The following DYNC1I1 variants were observed in gnomAD, a reference collection of about 807,000 sequenced individuals.
DYNC1I1 encodes the protein cytoplasmic dynein 1 intermediate chain 1.
Under a neutral mutation model 86.6 loss-of-function variants are expected in DYNC1I1, and 43 were observed. That is an observed-to-expected ratio of 0.50 (90% confidence interval 0.39 to 0.64). The LOEUF is 0.64. Ranked by LOEUF, DYNC1I1 falls within the 30% of genes least tolerant of loss-of-function variation. The probability of loss-of-function intolerance (pLI) is 0.00; values close to 1 mark genes in which losing one functional copy is unlikely to be tolerated. For missense variants in DYNC1I1, 604 were observed against 788.8 expected (o/e 0.77, Z 2.81); for synonymous variants, 262 against 283.7 (o/e 0.92, Z 0.77).
At chr7:96,060,377 C>G (rs1308620078) in intron 14 of DYNC1I1, among the ~76,000 whole-genome samples, 1 of 152,166 alleles carries the variant, frequency 6.6e-6, no homozygotes, top group Non-Finnish European at 1.5e-5. Context: ...CCCTAGCATG[C>G]TTTTTGACTC....
At chr7:95,890,511 G>C (rs567533553) in intron 6 of DYNC1I1, among the ~76,000 whole-genome samples, 1 of 152,106 alleles carries the variant, frequency 6.6e-6, no homozygotes, top group East Asian at 1.9e-4. Flanking sequence ...GAGTGAGAAA[G>C]TAATCTGTTC....
At chr7:95,872,240 C>T (rs747002011) in intron 6 of DYNC1I1, among the ~76,000 whole-genome samples, 2 of 152,150 alleles carry the variant, frequency 1.3e-5, no homozygotes, top group South Asian at 2.1e-4. Context: ...CGCCTTTCAG[C>T]GGCAGGAAAC....
In DYNC1I1 at chr7:95,996,037, T is replaced by C. The variant is rs757005232; in HGVS notation, c.933T>C (p.Phe311=). 6.2e-7 allele frequency: 1 copy of C among 1,613,936 alleles called. No homozygotes were observed. The highest frequency in any genetic ancestry group is 8.5e-7 in the Non-Finnish European group (1 of 1,179,922). ...DGVALVWNMK[F]KKTTPEYVFH... ...TGGCCTTGGTTTGGAACATGAAGTT[T>C]AAGAAAACCACACCAGAATACGTCT... Residue 311 remains phenylalanine, a synonymous_variant, in exon 10 of 17, where the codon TTT becomes TTC. Transcript: ENST00000447467.
At chr7:95,842,763 C>A in intron 5 of DYNC1I1, among the ~76,000 whole-genome samples, 1 of 152,118 alleles carries the variant, frequency 6.6e-6, no homozygotes, top group East Asian at 1.9e-4. Flanking sequence ...CAGAGGATGT[C>A]GATTCATGTA....
chr7:95,983,638 A>G (rs1374726623), intron 7 of DYNC1I1, among the ~76,000 whole-genome samples: 2 of 152,160 alleles, frequency 1.3e-5, no homozygotes, highest in Non-Finnish European at 2.9e-5. Flanking sequence ...TAGTCCAATT[A>G]TGTAACACTT....
At chr7:96,067,093 TTTGGTAAATGTTCAAAA>T (rs1224137665) in intron 14 of DYNC1I1, among the ~76,000 whole-genome samples, 2 of 152,134 alleles carry the variant, frequency 1.3e-5, no homozygotes, top group African/African-American at 4.8e-5. Context: ...TTTTGAACAT[TTTGGTAAATGTTCAAAA>T]TATCAGAAAA....
Position 95,849,245 on chromosome 7 carries a change from G to GT in DYNC1I1, c.375-20633dup, listed in dbSNP as rs542738495. Among the ~76,000 whole-genome samples the GT allele has an allele frequency of 5.3e-5, 8 of 152,122 alleles. No homozygotes were observed. In the East Asian group the frequency reaches 1.4e-3, roughly 26 times the overall value. ...TAGTTTGATGTAACTCCATTTGTCT[G>GT]TTTTTGCTTTTGCAGCATGTGCTTT... On this transcript the variant is annotated intron_variant, in intron 5 of 16. Coordinates refer to ENST00000447467, the MANE Select transcript of DYNC1I1 (RefSeq NM_001135556.2).
At chr7:95,937,895 C>T (rs1199394594) in intron 6 of DYNC1I1, among the ~76,000 whole-genome samples, 1 of 151,944 alleles carries the variant, frequency 6.6e-6, no homozygotes, top group Non-Finnish European at 1.5e-5. Flanking sequence ...TTGATGTTTG[C>T]CATGTATGTA....
intron 5 of DYNC1I1, among the ~76,000 whole-genome samples, chr7:95,846,666 T>TGTGTGTGTGA (rs1400288683): frequency 1.5e-4 from 23 of 150,772 alleles, no homozygotes; most frequent in African/African-American, 4.1e-4. Flanking sequence ...TGTGTGTGTG[T>TGTGTGTGTGA]GACGAAGGGG....
At chr7:96,090,537 T>TA (rs1459819932) in intron 16 of DYNC1I1, among the ~76,000 whole-genome samples, 1 of 149,684 alleles carries the variant, frequency 6.7e-6, no homozygotes, top group African/African-American at 2.5e-5. Flanking sequence ...AAAAACGTGG[T>TA]AAAAATAGTA....
intron 6 of DYNC1I1, among the ~76,000 whole-genome samples, chr7:95,876,103 G>A (rs1790302675): frequency 6.6e-6 from 1 of 150,946 alleles, no homozygotes; most frequent in African/African-American, 2.4e-5. Context: ...TCTATTGCAT[G>A]GTGGTCTCTT....
chr7:95,967,025 GAAC>G (rs1793033040), intron 6 of DYNC1I1, among the ~76,000 whole-genome samples: 2 of 152,048 alleles, frequency 1.3e-5, no homozygotes, highest in African/African-American at 4.8e-5. Context: ...GTCCTTTTTA[GAAC>G]TACTGGGGAA....
chr7:95,935,907 A>G (rs1481304050), intron 6 of DYNC1I1, among the ~76,000 whole-genome samples: 1 of 152,076 alleles, frequency 6.6e-6, no homozygotes, highest in African/African-American at 2.4e-5. Flanking sequence ...ACAATGAGAT[A>G]TTGCCTCATA....
At position 95,808,541 on chromosome 7, in the gene DYNC1I1, G is replaced by A. The variant is rs188335670; in HGVS notation, c.109-1851G>A. Among the ~76,000 whole-genome samples, 70 of 152,186 alleles carry A rather than the reference G, an allele frequency of 4.6e-4. 1 individual carries two copies. In the East Asian group the frequency reaches 0.013, roughly 28 times the overall value. On this transcript the variant is annotated intron_variant, in intron 2 of 16. Coordinates refer to ENST00000447467, the MANE Select transcript of DYNC1I1 (RefSeq NM_001135556.2). ...ACTGGCCCAATTTAATGAAAAATTG[G>A]CTTTAATGCAATGAGGTGAGCTCAG... is the stretch of plus-strand genomic sequence containing the variant.
chr7:95,819,317 G>T (rs1055767747), intron 4 of DYNC1I1, among the ~76,000 whole-genome samples: 1 of 152,088 alleles, frequency 6.6e-6, no homozygotes, highest in African/African-American at 2.4e-5. Context: ...ACAATAATTC[G>T]TTGTGGGCAA....
At chr7:96,056,161 T>C (rs914606708) in intron 14 of DYNC1I1, 1 of 150,166 alleles carries the variant, frequency 6.7e-6, no homozygotes, top group African/African-American at 2.4e-5. Context: ...GTTGGTTTGA[T>C]TTTTTTTTTC....
chr7:95,930,625 A>G (rs1584170402), intron 6 of DYNC1I1, among the ~76,000 whole-genome samples: 1 of 152,212 alleles, frequency 6.6e-6, no homozygotes. Flanking sequence ...TGGCATTCAC[A>G]TTTAGAAATT....
At chr7:95,905,971 C>A (rs919477320) in intron 6 of DYNC1I1, among the ~76,000 whole-genome samples, 1 of 152,100 alleles carries the variant, frequency 6.6e-6, no homozygotes, top group Non-Finnish European at 1.5e-5. Context: ...TTGGATGCTT[C>A]TTGGGGACAT....
intron 3 of DYNC1I1, 154 bp from the exon 4 acceptor site, chr7:95,813,093 C>CA: frequency 9.0e-7 from 1 of 1,113,814 alleles, no homozygotes; most frequent in South Asian, 1.9e-5. Context: ...CTTTTCTTTC[C>CA]TTTTTTTTTT....
Sources: allele counts gnomAD v4.1 joint callset (sites outside exome capture counted in the v4.1 genomes callset), GRCh38; gene constraint gnomAD v4.1.1; transcripts MANE v1.5; gene names NCBI Gene and HGNC (gene_info 2026-07-23, HGNC 2026-07-21).